Variants in GRID2 observed in about 807,000 individuals in gnomAD.
The protein encoded by GRID2 is glutamate ionotropic receptor delta type subunit 2.
Under a neutral mutation model 114.8 loss-of-function variants are expected in GRID2, and 33 were observed. The observed-to-expected ratio is 0.29, with a 90% confidence interval of 0.22 to 0.38. The LOEUF is 0.38. GRID2 is among the 10% of genes least tolerant of loss of function. The pLI, the probability that GRID2 is intolerant of heterozygous loss-of-function variation, is 1.00. For missense variants in GRID2, 1,184 were observed against 1,257.7 expected (o/e 0.94, Z 0.89); for synonymous variants, 505 against 449.9 (o/e 1.12, Z -1.55).
intron 2 of GRID2, among the ~76,000 whole-genome samples, chr4:92,939,035 G>T (rs1253043396): frequency 6.8e-6 from 1 of 147,068 alleles, no homozygotes; most frequent in African/African-American, 2.4e-5. Flanking sequence ...ACATGTGTGG[G>T]TGTCTTTATA....
At chr4:92,524,965 G>A (rs529209949) in intron 1 of GRID2, among the ~76,000 whole-genome samples, 2 of 152,028 alleles carry the variant, frequency 1.3e-5, no homozygotes, top group African/African-American at 2.4e-5. Context: ...ATGGATTCAG[G>A]GTTCAAACTT....
At chr4:92,889,825 A>T (rs1002971159) in intron 2 of GRID2, among the ~76,000 whole-genome samples, 3 of 152,194 alleles carry the variant, frequency 2.0e-5, no homozygotes, top group Non-Finnish European at 4.4e-5. Context: ...CCTAAGCAAA[A>T]AGAGCAAAGC....
intron 2 of GRID2, among the ~76,000 whole-genome samples, chr4:92,960,087 GTTA>G (rs1009427322): frequency 2.1e-4 from 32 of 152,066 alleles, no homozygotes; most frequent in African/African-American, 7.2e-4. Flanking sequence ...CTATCTTTCT[GTTA>G]TGGATTTCTG....
intron 8 of GRID2, among the ~76,000 whole-genome samples, chr4:93,342,201 A>C (rs13117137): frequency 1.2e-3 from 185 of 152,226 alleles, no homozygotes; most frequent in Non-Finnish European, 2.1e-3. Context: ...TAAGTCCAAC[A>C]CCTATAAGTC....
intron 2 of GRID2, among the ~76,000 whole-genome samples, chr4:92,857,233 A>G (rs1744237349): frequency 1.3e-5 from 2 of 152,186 alleles, no homozygotes; most frequent in African/African-American, 2.4e-5. Flanking sequence ...TTGAAGTGAG[A>G]GGAAGAGTCA....
chr4:93,009,043 G>A (rs1319923737), intron 2 of GRID2, among the ~76,000 whole-genome samples: 5 of 152,016 alleles, frequency 3.3e-5, no homozygotes, highest in Non-Finnish European at 7.4e-5. Flanking sequence ...ATTCAAATCA[G>A]ATGATTGTAT....
chr4:92,986,773 A>G (rs1253168745), intron 2 of GRID2, among the ~76,000 whole-genome samples: 3 of 152,200 alleles, frequency 2.0e-5, no homozygotes, highest in African/African-American at 7.2e-5. Flanking sequence ...CTGTATAACA[A>G]TAAAATAATT....
At chr4:92,917,186 C>T (rs1030801671) in intron 2 of GRID2, among the ~76,000 whole-genome samples, 37 of 152,110 alleles carry the variant, frequency 2.4e-4, no homozygotes, top group Admixed American at 2.3e-3. Context: ...TCATATCCTT[C>T]GCCCACGTGG....
Position 93,490,784 on chromosome 4 carries a change from A to T in GRID2, c.1997+7A>T. The T allele has an allele frequency of 6.2e-7, 1 of 1,600,894 alleles. No individual in the cohort carries two copies. The highest frequency in any genetic ancestry group is 1.1e-5 in the South Asian group (1 of 90,128). ...GCATTGAAAGTTCCATCCAGTAAGT[A>T]AACAATGTTTCCATTAGCCACAAAA... On this transcript the variant is annotated splice_region_variant and intron_variant, in intron 12 of 15. Coordinates refer to ENST00000282020, the MANE Select transcript of GRID2 (RefSeq NM_001510.4).
intron 2 of GRID2, among the ~76,000 whole-genome samples, chr4:92,881,544 ACAAGT>A (rs1746013291): frequency 6.6e-6 from 1 of 152,154 alleles, no homozygotes. Flanking sequence ...GCATTACAAC[ACAAGT>A]CAAGGTAAAA....
In GRID2 at chr4:93,272,360, A is replaced by G. The variant is rs557656996; in HGVS notation, c.1245+33870A>G. On this transcript the variant is annotated intron_variant, in intron 8 of 15. Transcript: ENST00000282020. ...GACAGACAACAAGACAGAGACTATT[A>G]GGAACCAGAGCTGCTGTATGTTATG... Among the ~76,000 whole-genome samples the G allele has an allele frequency of 7.9e-5, 12 of 152,356 alleles. No individual in the cohort carries two copies. The South Asian group carries it at 2.5e-3, about 32-fold the overall frequency.
At chr4:92,787,949 G>C (rs540087630) in intron 2 of GRID2, among the ~76,000 whole-genome samples, 76 of 151,832 alleles carry the variant, frequency 5.0e-4, no homozygotes, top group African/African-American at 1.8e-3. Context: ...GTGGCTTTTA[G>C]GCTGTATAAA....
intron 8 of GRID2, among the ~76,000 whole-genome samples, chr4:93,338,769 A>G (rs1759341555): frequency 6.6e-6 from 1 of 152,098 alleles, no homozygotes; most frequent in Non-Finnish European, 1.5e-5. Context: ...TTCCTGCAAT[A>G]ATGAAAATTT....
At chr4:92,811,509 C>G (rs1740661383) in intron 2 of GRID2, among the ~76,000 whole-genome samples, 1 of 152,004 alleles carries the variant, frequency 6.6e-6, no homozygotes, top group Admixed American at 6.6e-5. Flanking sequence ...AAATGTATAT[C>G]AAATCAGTCA....
chr4:93,211,916 C>T (rs1381195068), intron 5 of GRID2, among the ~76,000 whole-genome samples: 2 of 152,142 alleles, frequency 1.3e-5, no homozygotes, highest in African/African-American at 4.8e-5. Context: ...CATTCACCCG[C>T]ATACTTATTC....
intron 2 of GRID2, among the ~76,000 whole-genome samples, chr4:92,799,964 C>G (rs985545517): frequency 6.6e-6 from 1 of 151,916 alleles, no homozygotes; most frequent in Non-Finnish European, 1.5e-5. Context: ...CATATGCTTG[C>G]TCATAGTAAG....
intron 2 of GRID2, among the ~76,000 whole-genome samples, chr4:92,945,397 A>T (rs769996170): frequency 6.6e-6 from 1 of 152,046 alleles, no homozygotes; most frequent in South Asian, 2.1e-4. Context: ...TTTTTTCCCA[A>T]TGGGAGAAAC....
chr4:92,538,707 G>A (rs757575551), intron 1 of GRID2, among the ~76,000 whole-genome samples: 6 of 152,120 alleles, frequency 3.9e-5, no homozygotes, highest in Non-Finnish European at 7.4e-5. Context: ...GTCTTAGGAT[G>A]GATCCCAGCA....
At chr4:93,229,485 A>G (rs1285091616) in intron 7 of GRID2, among the ~76,000 whole-genome samples, 1 of 152,160 alleles carries the variant, frequency 6.6e-6, no homozygotes, top group African/African-American at 2.4e-5. Flanking sequence ...GACTGTACAG[A>G]TGTGGGGCCA....
Sources: gnomAD v4.1 joint callset for allele counts (sites outside exome capture counted in the v4.1 genomes callset) on GRCh38, gnomAD v4.1.1 for gene constraint, MANE v1.5 for transcripts, NCBI Gene and HGNC (gene_info 2026-07-23, HGNC 2026-07-21) for gene names.